The following KCNAB3 variants were observed in gnomAD, a reference collection of about 807,000 sequenced individuals.
KCNAB3 encodes the protein potassium voltage-gated channel subfamily A regulatory beta subunit 3.
A neutral mutation model predicts 67.7 loss-of-function variants in KCNAB3; 62 were observed. That is an observed-to-expected ratio of 0.92 (90% CI 0.75 to 1.13). KCNAB3 has a LOEUF of 1.13. Ranked by LOEUF, KCNAB3 falls within the 50% of genes most tolerant of loss-of-function variation. The pLI is 0.00. For synonymous variants in KCNAB3, 212 were observed against 205.4 expected, an observed-to-expected ratio of 1.03 and a Z score of -0.27; for missense variants, 514 against 522.9, an observed-to-expected ratio of 0.98 and a Z score of 0.17.
Position 7,924,466 on chromosome 17 carries a change from C to T in KCNAB3, c.660G>A (p.Gln220=), listed in dbSNP as rs991887174. The T allele has an allele frequency of 1.2e-6, 2 of 1,614,114 alleles. No homozygotes were observed. Among genetic ancestry groups the T allele is most frequent in the Non-Finnish European group, 1.7e-6 (2 of 1,179,988 alleles). The change falls in exon 9 of 14, where the codon CAG becomes CAA. Residue 220 remains glutamine (Q), a synonymous_variant. Transcript: ENST00000303790. ...ATGTCCCCCAGTATAGGGCCAGGCC[C>T]TGGTTGATGACATAGGTCATGGCTC... ...IVRAMTYVIN[Q]GLALYWGTSR...
At chr17:7,925,486 G>C in intron 7 of KCNAB3, 197 bp downstream of exon 7, 1 of 631,406 alleles carries the variant, frequency 1.6e-6, no homozygotes, top group South Asian at 1.9e-5. Flanking sequence ...CCGAGATCGT[G>C]CCATTACACT....
intron 8 of KCNAB3, 194 bp from the exon 9 acceptor site, chr17:7,924,694 C>T (rs1972167788): frequency 1.5e-6 from 2 of 1,363,330 alleles, no homozygotes; most frequent in Non-Finnish European, 1.9e-6. Context: ...TGGAGGCCTT[C>T]TGAGCAGGGG....
At chr17:7,928,037 C>G in intron 1 of KCNAB3, 1 of 614,842 alleles carries the variant, frequency 1.6e-6, no homozygotes, top group East Asian at 2.7e-5. Flanking sequence ...CCATATGTGA[C>G]TGTTCCTCTG....
At chr17:7,925,204 A>G (rs766412411) in intron 7 of KCNAB3, 21 bp from the exon 8 acceptor site, 2 of 1,600,190 alleles carry the variant, frequency 1.2e-6, no homozygotes, top group African/African-American at 2.7e-5. Flanking sequence ...GGTAGGGAGA[A>G]GAAAATAAGC....
intron 5 of KCNAB3, 23 bp from the exon 6 acceptor site, chr17:7,925,998 A>G (rs781190435): frequency 1.2e-6 from 2 of 1,614,060 alleles, no homozygotes; most frequent in African/African-American, 2.7e-5. Flanking sequence ...AAATGGGAGA[A>G]CCAGTAAGAA....
At chr17:7,927,951 C>T in intron 1 of KCNAB3, 125 bp from the exon 2 acceptor site, 1 of 1,145,590 alleles carries the variant, frequency 8.7e-7, no homozygotes, top group Non-Finnish European at 1.3e-6. Context: ...AAATTAGACC[C>T]AGTGGGCCTA....
rs1972071987 is a variant in KCNAB3, at chr17:7,922,665, A to T, written c.*437T>A. 3 of 179,858 alleles carry T rather than the reference A, an allele frequency of 1.7e-5. No individual in the cohort carries two copies. Among genetic ancestry groups the T allele is most frequent in the Non-Finnish European group, 3.6e-5 (3 of 82,990 alleles). The allele number at this position is 179,858 out of a possible 1,614,324, so 11.1% of individuals were successfully genotyped here. A position where few individuals can be genotyped will look rare whatever the true frequency, so the allele number is the denominator to read the frequency against. ...CCCCATTTCCTATGTTCCAGATGAC[A>T]TCACAACTCACTCACTAGGTTATTA... is the stretch of plus-strand genomic sequence containing the variant. On this transcript the variant is annotated 3_prime_UTR_variant, in exon 14 of 14. Coordinates refer to ENST00000303790, the MANE Select transcript of KCNAB3 (RefSeq NM_004732.4).
Position 7,929,302 on chromosome 17 carries a change from C to A in KCNAB3, c.134G>T (p.Gly45Val), listed in dbSNP as rs888658664. 1 of 1,570,502 alleles carries A rather than the reference C, an allele frequency of 6.4e-7. No individual in the cohort carries two copies. Among genetic ancestry groups the A allele is most frequent in the South Asian group, 1.2e-5 (1 of 86,376 alleles). Reference protein sequence around the residue: ...PAGGGHGNPPGGGGSGPKARA... With the variant: ...PAGGGHGNPPVGGGSGPKARA... Reference sequence around the variant, plus strand: ...GGCCTTGGGGCCAGACCCTCCACCCCCCGGAGGATTCCCGTGCCCCCCGCC... The same window carrying A: ...GGCCTTGGGGCCAGACCCTCCACCCACCGGAGGATTCCCGTGCCCCCCGCC... Residue 45 changes from glycine to valine, a missense_variant, in exon 1 of 14, where the codon GGG becomes GTG. Physicochemically the swap from Gly to Val is moderately radical, Grantham distance 109 (BLOSUM62 -3). Transcript: ENST00000303790. The surrounding 1 kb of genome is among the most constrained non-coding windows in gnomAD (Gnocchi z 5.7).
Position 7,929,832 on chromosome 17 carries a change from G to GTCA in KCNAB3, c.-398_-397insTGA. On this transcript the variant is annotated 5_prime_UTR_variant, in exon 1 of 14. Transcript: ENST00000303790. The surrounding 1 kb of genome is among the most constrained non-coding windows in gnomAD (Gnocchi z 5.7). Reference sequence around the variant, plus strand: ...CGCTGCGGGACCCGCTGGGCTCCCAGCCGCGTCGGCAGCGGGCCCAGCTCA... The same window carrying GTCA: ...CGCTGCGGGACCCGCTGGGCTCCCAGTCACCGCGTCGGCAGCGGGCCCAGCTCA... 9 of 1,025,680 alleles carry GTCA rather than the reference G, an allele frequency of 8.8e-6. No homozygotes were observed. Among genetic ancestry groups the GTCA allele is most frequent in the Admixed American group, 5.6e-5 (1 of 17,998 alleles). The allele number at this position is 1,025,680 out of a possible 1,614,324, so 63.5% of individuals were successfully genotyped here.
At chr17:7,926,297 T>G (rs553360980) in intron 4 of KCNAB3, among the ~76,000 whole-genome samples, 194 bp from the exon 5 acceptor site, 4 of 152,324 alleles carry the variant, frequency 2.6e-5, no homozygotes, top group South Asian at 4.1e-4. Flanking sequence ...TCATCACATA[T>G]TCAACAAATA....
rs1386718180 is a variant in KCNAB3 at position 7,929,411 on chromosome 17, C to T, written c.25G>A (p.Glu9Lys). ...CTGCTCCGGCTGCGAAGGTTCTGCT[C>T]GGTACACGCGATAGACACCTGCATG... MQVSIACT[E>K]QNLRSRSSED... The change falls in exon 1 of 14, where the codon GAG (glutamate) becomes AAG (lysine). Residue 9 changes from glutamate (E) to lysine (K), a missense_variant. By Grantham distance (56) the Glu-to-Lys change is moderately conservative. Transcript: ENST00000303790. The surrounding 1 kb of genome is among the most constrained non-coding windows in gnomAD (Gnocchi z 5.7). 4.5e-6 allele frequency: 7 copies of T among 1,546,968 alleles called. No individual in the cohort carries two copies. The highest frequency in any genetic ancestry group is 6.1e-6 in the Non-Finnish European group (7 of 1,145,828).
At chr17:7,925,765 G>A (rs1394873010) in intron 6 of KCNAB3, 39 bp from the exon 7 acceptor site, 2 of 1,613,378 alleles carry the variant, frequency 1.2e-6, no homozygotes, top group East Asian at 4.5e-5. Context: ...ATGTGACAAA[G>A]ATAGGGGACC....
chr17:7,929,501 G>A lies in KCNAB3; in HGVS notation c.-66C>T, dbSNP rs1340492631. Reference sequence around the variant, plus strand: ...GGAGGGGGGAGCAGGGAAGCCCGAGGGCTGACGACCGGGGGCGTAGTGGGG... The same window carrying A: ...GGAGGGGGGAGCAGGGAAGCCCGAGAGCTGACGACCGGGGGCGTAGTGGGG... On this transcript the variant is annotated 5_prime_UTR_variant, in exon 1 of 14. Transcript: ENST00000303790. This position sits in a 1 kb window ranked among gnomAD's most constrained non-coding sequence, Gnocchi z 5.7. 2.6e-6 allele frequency: 4 copies of A among 1,537,066 alleles called. No homozygotes were observed. Among genetic ancestry groups the A allele is most frequent in the Non-Finnish European group, 3.5e-6 (4 of 1,142,762 alleles).
At chr17:7,928,187 T>G in intron 1 of KCNAB3, 1 of 381,480 alleles carries the variant, frequency 2.6e-6, no homozygotes. Context: ...TTTTGTTTGA[T>G]TGTGGTGAGT....
Position 7,927,838 on chromosome 17 carries a change from A to G in KCNAB3, c.243-12T>C. 6.2e-7 allele frequency: 1 copy of G among 1,613,990 alleles called. No individual in the cohort carries two copies. Among genetic ancestry groups the G allele is most frequent in the Middle Eastern group, 1.7e-4 (1 of 5,990 alleles). On this transcript the variant is annotated splice_polypyrimidine_tract_variant and intron_variant, in intron 1 of 13. Transcript: ENST00000303790. ...ACTTCCCTAGGTTCCTGCAAGATAC[A>G]GAAGCAGCGGGAAGGGGTGGAGCCT...
At position 7,929,404 on chromosome 17, in the gene KCNAB3, TTCTGCTCGGTACA is replaced by T; in HGVS notation, c.19_31del (p.Cys7ThrfsTer68). On this transcript the variant is annotated frameshift_variant, in exon 1 of 14. Coordinates refer to ENST00000303790, the MANE Select transcript of KCNAB3 (RefSeq NM_004732.4). LOFTEE classifies it high-confidence loss of function. The surrounding 1 kb of genome is among the most constrained non-coding windows in gnomAD (Gnocchi z 5.7). The stretch of plus-strand genomic sequence containing the variant: ...GTCCTCACTGCTCCGGCTGCGAAGG[TTCTGCTCGGTACA>T]CGCGATAGACACCTGCATGCTGGCT... 6.5e-7 allele frequency: 1 copy of T among 1,548,136 alleles called. No individual in the cohort carries two copies. The highest frequency in any genetic ancestry group is 8.7e-7 in the Non-Finnish European group (1 of 1,146,402).
At chr17:7,925,211 A>C in intron 7 of KCNAB3, 28 bp from the exon 8 acceptor site, 1 of 1,579,626 alleles carries the variant, frequency 6.3e-7, no homozygotes, top group Non-Finnish European at 8.7e-7. Context: ...AGAAGAAAAT[A>C]AGCACCTCAG....
rs1972366403 is a variant in KCNAB3, at chr17:7,929,808, G to A, written c.-373C>T. The A allele has an allele frequency of 2.0e-4, 206 of 1,048,100 alleles. No homozygotes were observed. Among genetic ancestry groups the A allele is most frequent in the Admixed American group, 1.6e-3 (29 of 17,834 alleles). 64.9% of individuals were successfully genotyped at this position (1,048,100 alleles called of 1,614,324 possible). A position where few individuals can be genotyped will look rare whatever the true frequency, so the allele number is the denominator to read the frequency against. ...GAGAGATGCCACTTCAGCGCGAACC[G>A]CTGCGGGACCCGCTGGGCTCCCAGC... is the stretch of plus-strand genomic sequence containing the variant. On this transcript the variant is annotated 5_prime_UTR_variant, in exon 1 of 14. Coordinates refer to ENST00000303790, the MANE Select transcript of KCNAB3 (RefSeq NM_004732.4). This position sits in a 1 kb window ranked among gnomAD's most constrained non-coding sequence, Gnocchi z 5.7.
At chr17:7,927,596 C>T (rs889671244) in intron 3 of KCNAB3, 61 bp downstream of exon 3, 54 of 1,599,156 alleles carry the variant, frequency 3.4e-5, no homozygotes, top group South Asian at 9.9e-5. Context: ...TCCAGGTTCA[C>T]TTCCCTTTTT....
Sources: allele counts gnomAD v4.1 joint callset (sites outside exome capture counted in the v4.1 genomes callset), GRCh38; gene constraint gnomAD v4.1.1; non-coding constraint Gnocchi (gnomAD v3.1); transcripts MANE v1.5; gene names NCBI Gene and HGNC (gene_info 2026-07-23, HGNC 2026-07-21).